The following DLGAP2 variants were observed in gnomAD, a reference collection of about 807,000 sequenced individuals.
DLGAP2 encodes DLG associated protein 2.
In DLGAP2, 26 loss-of-function variants were observed where a neutral mutation model predicts 100.3. That is an observed-to-expected ratio of 0.26 (90% CI 0.19 to 0.36). The LOEUF is 0.36. Among genes scored for constraint, DLGAP2 ranks in the 10% least tolerant of loss-of-function variants. DLGAP2 has a pLI of 1.00. For synonymous variants in DLGAP2, 886 were observed against 630.1 expected, an observed-to-expected ratio of 1.41 and a Z score of -6.08; for missense variants, 1,858 against 1,453.2, an observed-to-expected ratio of 1.28 and a Z score of -4.53.
Position 837,198 on chromosome 8 carries a change from C to T in DLGAP2, c.19-70714C>T, listed in dbSNP as rs969325580. Among the ~76,000 whole-genome samples the T allele has an allele frequency of 2.0e-5, 3 of 152,212 alleles. No individual in the cohort carries two copies. The South Asian group carries it at 6.2e-4, about 31-fold the overall frequency. On this transcript the variant is annotated intron_variant, in intron 1 of 14. Transcript: ENST00000637795. ...AGCGGATGCGCTCAGGCCTCGGGAT[C>T]TCGCGGGCCGTGTGCCCAGTGCTGC...
intron 8 of DLGAP2, among the ~76,000 whole-genome samples, chr8:1,634,987 G>T (rs754992998): frequency 6.6e-6 from 1 of 152,118 alleles, no homozygotes; most frequent in Non-Finnish European, 1.5e-5. Context: ...TTTCCTCTAG[G>T]TGATGCAGGG....
Position 1,173,659 on chromosome 8 carries a change from G to A in DLGAP2, c.74-85192G>A, listed in dbSNP as rs554173341. On this transcript the variant is annotated intron_variant, in intron 2 of 14. Coordinates refer to ENST00000637795, the MANE Select transcript of DLGAP2 (RefSeq NM_001346810.2). ...CTGCTGTGCTAGCAATCAGCAAGAC[G>A]TTATGGGCGTAGGACCCTCTGAGCC... Among the ~76,000 whole-genome samples, 5 of 152,278 alleles carry A rather than the reference G, an allele frequency of 3.3e-5. No individual in the cohort carries two copies. The East Asian group carries it at 5.8e-4, about 18-fold the overall frequency.
At chr8:885,663 A>G (rs1047935189) in intron 1 of DLGAP2, among the ~76,000 whole-genome samples, 2 of 152,180 alleles carry the variant, frequency 1.3e-5, no homozygotes, top group African/African-American at 4.8e-5. Flanking sequence ...TACTATTTGA[A>G]TAAGAGTGAT....
At chr8:1,252,563 T>C (rs529804349) in intron 2 of DLGAP2, among the ~76,000 whole-genome samples, 76 of 152,404 alleles carry the variant, frequency 5.0e-4, no homozygotes, top group African/African-American at 1.7e-3. Context: ...CACAGTCATG[T>C]CCTGGGTCAT....
At chr8:1,443,489 G>A (rs1200966344) in intron 3 of DLGAP2, among the ~76,000 whole-genome samples, 2 of 152,204 alleles carry the variant, frequency 1.3e-5, no homozygotes, top group African/African-American at 2.4e-5. Context: ...TCTCCTGCAA[G>A]AGAGGGGTGG....
intron 2 of DLGAP2, among the ~76,000 whole-genome samples, chr8:1,190,418 A>G (rs541820730): frequency 6.4e-4 from 97 of 151,916 alleles, no homozygotes; most frequent in African/African-American, 2.1e-3. Context: ...CTGTTGGGGC[A>G]TCTGCTGTTG....
chr8:1,359,297 C>T (rs558292937), intron 3 of DLGAP2, among the ~76,000 whole-genome samples: 6 of 152,236 alleles, frequency 3.9e-5, no homozygotes, highest in Admixed American at 6.5e-5. Context: ...CTCAGGCGGT[C>T]CATGCGCCCT....
intron 1 of DLGAP2, among the ~76,000 whole-genome samples, chr8:781,065 T>G (rs192670384): frequency 3.6e-4 from 55 of 152,372 alleles, no homozygotes; most frequent in Non-Finnish European, 6.2e-4. Context: ...CATGAAAATA[T>G]GTATAGATAA....
At chr8:1,660,984 C>T (rs1359689308) in intron 8 of DLGAP2, among the ~76,000 whole-genome samples, 1 of 152,184 alleles carries the variant, frequency 6.6e-6, no homozygotes, top group African/African-American at 2.4e-5. Flanking sequence ...CGGAATCTTG[C>T]ACTTCCTGTC....
At chr8:925,343 AATTC>A (rs1798791051) in intron 2 of DLGAP2, among the ~76,000 whole-genome samples, 1 of 151,920 alleles carries the variant, frequency 6.6e-6, no homozygotes, top group Admixed American at 6.6e-5. Flanking sequence ...GCTGGTCTTG[AATTC>A]TAGGGCTTAA....
chr8:1,077,772 C>G (rs75414465), intron 2 of DLGAP2, among the ~76,000 whole-genome samples: 4,514 of 152,320 alleles, frequency 0.03, 189 homozygotes, highest in East Asian at 0.13. Flanking sequence ...AAAATCTTGG[C>G]ATAGTTTATC....
At chr8:1,485,860 A>G (rs951131436) in intron 3 of DLGAP2, among the ~76,000 whole-genome samples, 3 of 152,228 alleles carry the variant, frequency 2.0e-5, no homozygotes, top group South Asian at 4.2e-4. Flanking sequence ...CCCCATCTCT[A>G]CTAAAATACA....
intron 2 of DLGAP2, among the ~76,000 whole-genome samples, chr8:1,205,181 A>G (rs1370444052): frequency 6.6e-6 from 1 of 152,126 alleles, no homozygotes; most frequent in Non-Finnish European, 1.5e-5. Flanking sequence ...CTCCTAAGAG[A>G]AAACCAGTTT....
intron 6 of DLGAP2, among the ~76,000 whole-genome samples, chr8:1,598,290 A>G (rs762545222): frequency 3.9e-5 from 6 of 152,212 alleles, no homozygotes; most frequent in Non-Finnish European, 5.9e-5. Flanking sequence ...GGATTTCTGC[A>G]TCCATGTTCA....
chr8:1,586,445 C>T (rs547438275), intron 6 of DLGAP2, among the ~76,000 whole-genome samples: 64 of 152,264 alleles, frequency 4.2e-4, no homozygotes, highest in South Asian at 3.5e-3. Flanking sequence ...ACGTCCACAT[C>T]GATCTCCGAC....
At chr8:1,421,676 A>T (rs951913456) in intron 3 of DLGAP2, among the ~76,000 whole-genome samples, 9 of 152,228 alleles carry the variant, frequency 5.9e-5, no homozygotes, top group African/African-American at 2.2e-4. Flanking sequence ...CTATAACAAA[A>T]TTCATAAGGC....
At chr8:1,586,721 A>G (rs896342334) in intron 6 of DLGAP2, among the ~76,000 whole-genome samples, 3 of 152,216 alleles carry the variant, frequency 2.0e-5, no homozygotes, top group Non-Finnish European at 2.9e-5. Context: ...CTGGACGGAC[A>G]CACTGCTGCG....
intron 2 of DLGAP2, among the ~76,000 whole-genome samples, chr8:1,101,525 T>C (rs1804577700): frequency 6.6e-6 from 1 of 152,010 alleles, no homozygotes; most frequent in African/African-American, 2.4e-5. Flanking sequence ...GTGCCGGGGC[T>C]GGGGGTGGAG....
In DLGAP2 at chr8:1,179,356, G is replaced by A. The variant is rs762828538; in HGVS notation, c.74-79495G>A. ...GGCCAGGCACCAGCTGAGGCTGTGG[G>A]TGGAGGGAGTGCTTCGCTGGGGGAC... On this transcript the variant is annotated intron_variant, in intron 2 of 14. Coordinates refer to ENST00000637795, the MANE Select transcript of DLGAP2 (RefSeq NM_001346810.2). Among the ~76,000 whole-genome samples the A allele has an allele frequency of 2.6e-5, 4 of 152,238 alleles. No individual in the cohort carries two copies. The East Asian group carries it at 7.7e-4, about 29-fold the overall frequency.
Sources: gnomAD v4.1 joint callset for allele counts (sites outside exome capture counted in the v4.1 genomes callset) on GRCh38, gnomAD v4.1.1 for gene constraint, MANE v1.5 for transcripts, NCBI Gene and HGNC (gene_info 2026-07-23, HGNC 2026-07-21) for gene names.